The following DECR1 variants were observed in gnomAD, a reference collection of about 807,000 sequenced individuals.
DECR1 encodes 2,4-dienoyl-CoA reductase [(3E)-enoyl-CoA-producing], mitochondrial.
Under a neutral mutation model 38.8 loss-of-function variants are expected in DECR1, and 44 were observed. That is an observed-to-expected ratio of 1.13 (90% CI 0.89 to 1.46). The LOEUF (loss-of-function observed/expected upper bound fraction) is 1.46, where lower values mean the gene tolerates loss of function less well. Ranked by LOEUF, DECR1 falls within the 40% of genes most tolerant of loss-of-function variation. The probability of loss-of-function intolerance (pLI) is 0.00; values close to 1 mark genes in which losing one functional copy is unlikely to be tolerated. For synonymous variants in DECR1, 148 were observed against 135.2 expected (o/e 1.09, Z -0.66); for missense variants, 428 against 405.5 (o/e 1.06, Z -0.48).
At chr8:90,011,972 C>G (rs766169795) in intron 1 of DECR1, among the ~76,000 whole-genome samples, 6 of 151,974 alleles carry the variant, frequency 3.9e-5, no homozygotes, top group Non-Finnish European at 7.4e-5. Flanking sequence ...AAATTTTGAA[C>G]CTTGCTGGTC....
chr8:90,023,766 G>A (rs960490205), intron 5 of DECR1, among the ~76,000 whole-genome samples: 7 of 151,892 alleles, frequency 4.6e-5, no homozygotes, highest in Non-Finnish European at 7.4e-5. Context: ...TGTGCACAAC[G>A]TGCAGGTTCG....
chr8:90,044,308 C>T (rs536457398), intron 7 of DECR1, among the ~76,000 whole-genome samples: 1 of 152,192 alleles, frequency 6.6e-6, no homozygotes, highest in Non-Finnish European at 1.5e-5. Flanking sequence ...TTAATCAGTG[C>T]ACATCCATAA....
chr8:90,040,926 A>G (rs369740210), intron 6 of DECR1, among the ~76,000 whole-genome samples: 1 of 152,228 alleles, frequency 6.6e-6, no homozygotes, highest in African/African-American at 2.4e-5. Context: ...CAGTGCTGCA[A>G]TAAACATATG....
At position 90,052,054 on chromosome 8, in the gene DECR1, C is replaced by G; in HGVS notation, c.*157C>G. 1 of 518,490 alleles carries G rather than the reference C, an allele frequency of 1.9e-6. No individual in the cohort carries two copies. The allele number at this position is 518,490 out of a possible 1,614,324, so 32.1% of individuals were successfully genotyped here. On this transcript the variant is annotated 3_prime_UTR_variant, in exon 10 of 10. Coordinates refer to ENST00000220764, the MANE Select transcript of DECR1 (RefSeq NM_001359.2). ...AGGCCAGTGATAGCCATTGTATATT[C>G]AAAGATAAATAAAATGAAATATAGT...
At chr8:90,007,641 C>T (rs982052651) in intron 1 of DECR1, among the ~76,000 whole-genome samples, 3 of 152,038 alleles carry the variant, frequency 2.0e-5, no homozygotes, top group African/African-American at 7.3e-5. Flanking sequence ...GCCCAAACTA[C>T]AAAGCAAACT....
At chr8:90,009,249 G>A (rs144189675) in intron 1 of DECR1, among the ~76,000 whole-genome samples, 15 of 152,140 alleles carry the variant, frequency 9.9e-5, no homozygotes, top group African/African-American at 3.4e-4. Flanking sequence ...CCTGCTTAGG[G>A]CCTTTGCTCC....
chr8:90,045,527 C>T (rs1323133199), intron 8 of DECR1, among the ~76,000 whole-genome samples: 3 of 152,188 alleles, frequency 2.0e-5, no homozygotes. Flanking sequence ...ACAAAGTAGC[C>T]TGGAAGCTCA....
At chr8:90,006,055 C>T (rs1812730660) in intron 1 of DECR1, 1 of 623,708 alleles carries the variant, frequency 1.6e-6, no homozygotes, top group African/African-American at 1.8e-5. Flanking sequence ...GGTACTACGA[C>T]ATTCATGATG....
intron 5 of DECR1, 40 bp from the exon 6 acceptor site, chr8:90,036,801 A>G: frequency 2.3e-6 from 3 of 1,309,950 alleles, no homozygotes; most frequent in South Asian, 1.2e-5. Context: ...GTAGTGATAC[A>G]TCTATATTGC....
rs750110765 is a variant in DECR1, at chr8:90,045,065, A to T, written c.885+70A>T. ...TTGGGGCAGGGAGGTCTGTTGTGGA[A>T]CCAATCCTGACAATGCTGAATGTAA... is the stretch of plus-strand genomic sequence containing the variant. On this transcript the variant is annotated intron_variant, in intron 8 of 9. Coordinates refer to ENST00000220764, the MANE Select transcript of DECR1 (RefSeq NM_001359.2). 24 of 1,420,782 alleles carry T rather than the reference A, an allele frequency of 1.7e-5. No homozygotes were observed. The African/African-American group carries it at 3.2e-4, about 19-fold the overall frequency. The allele number at this position is 1,420,782 out of a possible 1,614,324, so 88.0% of individuals were successfully genotyped here.
At chr8:90,018,987 T>A (rs1417199150) in intron 3 of DECR1, 21 bp downstream of exon 3, 1 of 1,583,448 alleles carries the variant, frequency 6.3e-7, no homozygotes. Flanking sequence ...AATCAGTTAT[T>A]TAATTTAGAT....
intron 5 of DECR1, among the ~76,000 whole-genome samples, chr8:90,032,220 T>A (rs1019850187): frequency 6.6e-6 from 1 of 152,060 alleles, no homozygotes; most frequent in African/African-American, 2.4e-5. Flanking sequence ...AGGACTGAAG[T>A]GTATATGTTC....
chr8:90,046,994 TCAC>T (rs1813924558), intron 8 of DECR1, among the ~76,000 whole-genome samples: 1 of 152,214 alleles, frequency 6.6e-6, no homozygotes, highest in Admixed American at 6.5e-5. Context: ...TGAGATTTTG[TCAC>T]CACCAGGCCT....
chr8:90,011,717 C>G (rs1349537123), intron 1 of DECR1, among the ~76,000 whole-genome samples: 1 of 152,048 alleles, frequency 6.6e-6, no homozygotes, highest in African/African-American at 2.4e-5. Flanking sequence ...GAATTGTTTT[C>G]TTAATTTCAT....
chr8:90,045,401 G>T (rs1260222955), intron 8 of DECR1, among the ~76,000 whole-genome samples: 2 of 152,122 alleles, frequency 1.3e-5, no homozygotes, highest in East Asian at 3.9e-4. Context: ...TGGCTCAGAG[G>T]GTCCCATGCC....
intron 8 of DECR1, among the ~76,000 whole-genome samples, chr8:90,047,009 C>T (rs1490593770): frequency 6.6e-6 from 1 of 152,126 alleles, no homozygotes; most frequent in Non-Finnish European, 1.5e-5. Context: ...ACCAGGCCTG[C>T]CTTACAAGAA....
At chr8:90,050,900 G>A (rs1028453597) in intron 8 of DECR1, among the ~76,000 whole-genome samples, 8 of 152,076 alleles carry the variant, frequency 5.3e-5, no homozygotes, top group Non-Finnish European at 1.2e-4. Flanking sequence ...TGGAAACCAT[G>A]ATTCTGAGCA....
chr8:90,043,510 G>A (rs1250914786), intron 7 of DECR1, among the ~76,000 whole-genome samples: 3 of 152,148 alleles, frequency 2.0e-5, no homozygotes, highest in Admixed American at 6.5e-5. Context: ...CCTAAAGCAA[G>A]TATTTATAAT....
At chr8:90,037,029 C>A in intron 6 of DECR1, 89 bp downstream of exon 6, 1 of 876,488 alleles carries the variant, frequency 1.1e-6, no homozygotes. Flanking sequence ...TGGTGTCCAT[C>A]CAGAGAAAAG....
Sources: allele counts gnomAD v4.1 joint callset (sites outside exome capture counted in the v4.1 genomes callset), GRCh38; gene constraint gnomAD v4.1.1; transcripts MANE v1.5; gene names NCBI Gene and HGNC (gene_info 2026-07-23, HGNC 2026-07-21).